CEACAM3: variants seen among roughly 807,000 people sequenced by gnomAD.
CEACAM3 encodes the protein CEA cell adhesion molecule 3, also known as cell adhesion molecule CEACAM3.
CEACAM3 carries 32 observed loss-of-function variants against 30.1 expected under a neutral mutation model. That is an observed-to-expected ratio of 1.06 (90% CI 0.80 to 1.43). The LOEUF (loss-of-function observed/expected upper bound fraction) is 1.43, where lower values mean the gene tolerates loss of function less well. CEACAM3 is among the 40% of genes most tolerant of loss of function. The pLI is 0.00. For missense variants in CEACAM3, 290 were observed against 316.3 expected (o/e 0.92, Z 0.63); for synonymous variants, 134 against 127.2 (o/e 1.05, Z -0.36).
rs782124918 is a variant in CEACAM3, at chr19:41,797,771, G to A, written c.247G>A (p.Val83Ile). The change falls in exon 2 of 7, where the codon GTA (valine) becomes ATA (isoleucine). Residue 83 changes from valine (V) to isoleucine (I), a missense_variant. Transcript: ENST00000357396. ...VDGNSLIVGY[V>I]IGTQQATPGA... ...TGGCAACAGTCTAATTGTAGGATAT[G>A]TAATAGGAACTCAACAAGCTACCCC... 5 of 1,612,636 alleles carry A rather than the reference G, an allele frequency of 3.1e-6. No individual in the cohort carries two copies. Among genetic ancestry groups the A allele is most frequent in the Non-Finnish European group, 2.5e-6 (3 of 1,180,006 alleles).
At chr19:41,804,115 A>C (rs1165897704) in intron 2 of CEACAM3, among the ~76,000 whole-genome samples, 1 of 152,160 alleles carries the variant, frequency 6.6e-6, no homozygotes, top group Non-Finnish European at 1.5e-5. Flanking sequence ...AAAAAGTGGA[A>C]AAGCAGATTC....
Position 41,808,795 on chromosome 19 carries a change from GC to G in CEACAM3, c.425-16del. 1.2e-6 allele frequency: 2 copies of G among 1,602,950 alleles called. No homozygotes were observed. Among genetic ancestry groups the G allele is most frequent in the East Asian group, 2.2e-5 (1 of 44,736 alleles). ...ATAGACTTGGGCCTCTATCCCCTTT[GC>G]CTTCTTCTTTCTGCAGAAGAAAATG... On this transcript the variant is annotated splice_polypyrimidine_tract_variant and intron_variant, in intron 2 of 6. Transcript: ENST00000357396.
At chr19:41,801,530 G>A (rs1225586260) in intron 2 of CEACAM3, among the ~76,000 whole-genome samples, 1 of 152,232 alleles carries the variant, frequency 6.6e-6, no homozygotes, top group African/African-American at 2.4e-5. Context: ...TTTAATTAAT[G>A]CTAAGTAAGC....
At chr19:41,798,454 A>G (rs1449056481) in intron 2 of CEACAM3, among the ~76,000 whole-genome samples, 2 of 152,168 alleles carry the variant, frequency 1.3e-5, no homozygotes, top group Non-Finnish European at 2.9e-5. Flanking sequence ...AGAATTTACC[A>G]GCTGTCTGAG....
intron 2 of CEACAM3, 55 bp from the exon 3 acceptor site, chr19:41,808,758 G>A (rs1425552758): frequency 1.0e-5 from 15 of 1,461,884 alleles, no homozygotes; most frequent in African/African-American, 2.8e-5. Context: ...GGCCCCTGTG[G>A]TTTCCTCTGG....
At chr19:41,811,053 C>T in intron 6 of CEACAM3, 119 bp from the exon 7 acceptor site, 1 of 1,288,362 alleles carries the variant, frequency 7.8e-7, no homozygotes, top group Non-Finnish European at 1.1e-6. Flanking sequence ...GAGCAGGAAC[C>T]CCCTGAGCAC....
chr19:41,810,871 CCCAGG>C lies in CEACAM3; in HGVS notation c.668_672del (p.Pro223HisfsTer7), dbSNP rs2073244316. On this transcript the variant is annotated frameshift_variant, in exon 6 of 7. Transcript: ENST00000357396. LOFTEE classifies it low-confidence loss of function (END_TRUNC). ...CACTGCCCAGGCCCCCCTACCCAAC[CCCAGG>C]ACAGCAGCTTCCATCTATGAGGTGA... 6.2e-7 allele frequency: 1 copy of C among 1,613,596 alleles called. No homozygotes were observed.
At chr19:41,809,879 T>C (rs782351659) in intron 3 of CEACAM3, 86 bp from the exon 4 acceptor site, 15 of 1,342,694 alleles carry the variant, frequency 1.1e-5, no homozygotes, top group African/African-American at 2.9e-5. Context: ...TCCTTGAAAA[T>C]GGGTTTCCCT....
intron 1 of CEACAM3, chr19:41,797,233 A>C (rs1400013937): frequency 3.6e-6 from 1 of 279,730 alleles, no homozygotes; most frequent in East Asian, 7.4e-5. Context: ...ATGTGAGTTC[A>C]GGTGTTGACA....
intron 1 of CEACAM3, 198 bp from the exon 2 acceptor site, chr19:41,797,391 G>C (rs1475241284): frequency 1.5e-6 from 1 of 658,842 alleles, no homozygotes; most frequent in African/African-American, 1.8e-5. Flanking sequence ...AGACCCCTGG[G>C]GAAGGGGATT....
In CEACAM3 at chr19:41,796,865, C is replaced by T. The variant is rs546692499; in HGVS notation, c.64+124C>T. 34 of 970,558 alleles carry T rather than the reference C, an allele frequency of 3.5e-5. No individual in the cohort carries two copies. The East Asian group carries it at 7.2e-4, about 21-fold the overall frequency. 60.1% of individuals were successfully genotyped at this position (970,558 alleles called of 1,614,324 possible). A position where few individuals can be genotyped will look rare whatever the true frequency, so the allele number is the denominator to read the frequency against. On this transcript the variant is annotated intron_variant, in intron 1 of 6. Transcript: ENST00000357396. ...TCTGCTGAAGCCTCAGGGGAGAGAA[C>T]ATCAGAGAGGGACACGGGTCACAAC...
chr19:41,807,194 G>A (rs536892765), intron 2 of CEACAM3: 1 of 1,609,916 alleles, frequency 6.2e-7, no homozygotes, highest in African/African-American at 1.3e-5. Context: ...CTGTGAACCT[G>A]AGATTCACAG....
chr19:41,806,066 C>T (rs186774926), intron 2 of CEACAM3, among the ~76,000 whole-genome samples: 51 of 152,216 alleles, frequency 3.4e-4, no homozygotes, highest in Non-Finnish European at 5.9e-4. Flanking sequence ...CTTGCTCTGT[C>T]ACTCAGGCTG....
At chr19:41,803,441 TGTGTGTGTGTGTG>T (rs2073169232) in intron 2 of CEACAM3, among the ~76,000 whole-genome samples, 1 of 140,418 alleles carries the variant, frequency 7.1e-6, no homozygotes, top group South Asian at 2.4e-4. Context: ...TGTGTGTGTG[TGTGTGTGTGTGTG>T]TGTGTTGTTT....
intron 2 of CEACAM3, among the ~76,000 whole-genome samples, chr19:41,799,905 A>G (rs2073132250): frequency 6.6e-6 from 1 of 152,038 alleles, no homozygotes; most frequent in East Asian, 1.9e-4. Flanking sequence ...CTGCCCCTAA[A>G]GCTACCCCAA....
Position 41,810,812 on chromosome 19 carries a change from C to T in CEACAM3, c.628-20C>T, listed in dbSNP as rs1555827503. On this transcript the variant is annotated intron_variant, in intron 5 of 6. Transcript: ENST00000357396. ...AAACTTCCAGGCTGGGCCTCCATGA[C>T]CCTCCCTCCCTGTCCACAGATGTCC... 2 of 1,604,592 alleles carry T rather than the reference C, an allele frequency of 1.2e-6. No individual in the cohort carries two copies.
Position 41,796,718 on chromosome 19 carries a change from C to T in CEACAM3, c.41C>T (p.Pro14Leu). 2 of 1,613,704 alleles carry T rather than the reference C, an allele frequency of 1.2e-6. No homozygotes were observed. The highest frequency in any genetic ancestry group is 1.7e-6 in the Non-Finnish European group (2 of 1,179,768). The change falls in exon 1 of 7, where the codon CCC (proline) becomes CTC (leucine). Residue 14 changes from proline to leucine, a missense_variant. Coordinates refer to ENST00000357396, the MANE Select transcript of CEACAM3 (RefSeq NM_001815.5). The part of the protein sequence containing the change: ...PSASPHRECI[P>L]WQGLLLTASL... Reference sequence around the variant, plus strand: ...GCCTCTCCCCACAGAGAATGCATCCCCTGGCAGGGGCTTCTGCTCACAGGT... The same window carrying T: ...GCCTCTCCCCACAGAGAATGCATCCTCTGGCAGGGGCTTCTGCTCACAGGT...
At position 41,808,821 on chromosome 19, in the gene CEACAM3, G is replaced by GC; in HGVS notation, c.437dup (p.Gly147ArgfsTer41). 1 of 1,612,994 alleles carries GC rather than the reference G, an allele frequency of 6.2e-7. No individual in the cohort carries two copies. Among genetic ancestry groups the GC allele is most frequent in the Non-Finnish European group, 8.5e-7 (1 of 1,179,356 alleles). ...CCTTCTTCTTTCTGCAGAAGAAAAT[G>GC]CCCCAGGCCTTCCTGTGGGGGCCGT... is the stretch of plus-strand genomic sequence containing the variant. On this transcript the variant is annotated frameshift_variant, in exon 3 of 7. Transcript: ENST00000357396. LOFTEE classifies it high-confidence loss of function.
At position 41,803,667 on chromosome 19, in the gene CEACAM3, C is replaced by T. The variant is rs1261401488; in HGVS notation, c.425-5146C>T. Among the ~76,000 whole-genome samples the T allele has an allele frequency of 4.3e-5, 5 of 115,860 alleles. No homozygotes were observed. In the Admixed American group the frequency reaches 5.4e-4, roughly 12 times the overall value. The allele number at this position is 115,860 out of a possible 152,430, so 76.0% of individuals were successfully genotyped here. A position where few individuals can be genotyped will look rare whatever the true frequency, so the allele number is the denominator to read the frequency against. Reference sequence around the variant, plus strand: ...ATTTTTAGTAGAGACGGAGTTTCACCGTGTTATCCAGGATGGTCTCGACCT... The same window carrying T: ...ATTTTTAGTAGAGACGGAGTTTCACTGTGTTATCCAGGATGGTCTCGACCT... On this transcript the variant is annotated intron_variant, in intron 2 of 6. Coordinates refer to ENST00000357396, the MANE Select transcript of CEACAM3 (RefSeq NM_001815.5).
Sources: allele counts gnomAD v4.1 joint callset (sites outside exome capture counted in the v4.1 genomes callset), GRCh38; gene constraint gnomAD v4.1.1; transcripts MANE v1.5; gene names NCBI Gene and HGNC (gene_info 2026-07-23, HGNC 2026-07-21).